PPP3CA: variants seen among roughly 807,000 people sequenced by gnomAD.
The protein encoded by PPP3CA is protein phosphatase 3 catalytic subunit alpha.
In PPP3CA, 14 loss-of-function variants were observed where a neutral mutation model predicts 66.5. That is an observed-to-expected ratio of 0.21 (90% CI 0.14 to 0.33). The LOEUF is 0.33. Ranked by LOEUF, PPP3CA falls within the 10% of genes least tolerant of loss-of-function variation. PPP3CA has a pLI of 1.00. For missense variants in PPP3CA, 317 were observed against 639.5 expected, an observed-to-expected ratio of 0.50 and a Z score of 5.44; for synonymous variants, 232 against 226.2, an observed-to-expected ratio of 1.03 and a Z score of -0.23.
intron 2 of PPP3CA, among the ~76,000 whole-genome samples, chr4:101,133,784 C>G (rs1322176553): frequency 6.6e-6 from 1 of 152,124 alleles, no homozygotes; most frequent in African/African-American, 2.4e-5. Flanking sequence ...GCCCATATAA[C>G]CAAGACAATC....
At chr4:101,217,624 C>A (rs1343477097) in intron 1 of PPP3CA, among the ~76,000 whole-genome samples, 2 of 152,108 alleles carry the variant, frequency 1.3e-5, no homozygotes, top group Admixed American at 6.6e-5. Flanking sequence ...CTAAAATGAG[C>A]CAACAGTGAC....
chr4:101,110,082 A>C (rs1375004299), intron 2 of PPP3CA, among the ~76,000 whole-genome samples: 1 of 152,130 alleles, frequency 6.6e-6, no homozygotes, highest in Non-Finnish European at 1.5e-5. Flanking sequence ...TTATGTATTT[A>C]TACTAATATA....
intron 1 of PPP3CA, among the ~76,000 whole-genome samples, chr4:101,295,589 G>A (rs1345636148): frequency 6.6e-6 from 1 of 152,178 alleles, no homozygotes; most frequent in African/African-American, 2.4e-5. Context: ...ACCATGTCTA[G>A]ACAGAATGAA....
At chr4:101,130,948 TG>T (rs1722408688) in intron 2 of PPP3CA, among the ~76,000 whole-genome samples, 1 of 152,216 alleles carries the variant, frequency 6.6e-6, no homozygotes, top group Non-Finnish European at 1.5e-5. Context: ...TAGACTGGGC[TG>T]GGTGTGGTGG....
intron 1 of PPP3CA, among the ~76,000 whole-genome samples, chr4:101,230,096 A>T (rs1326707031): frequency 6.6e-6 from 1 of 151,642 alleles, no homozygotes; most frequent in Non-Finnish European, 1.5e-5. Context: ...ATTCCATGAG[A>T]TCTGGATTAT....
chr4:101,248,646 T>C (rs940869642), intron 1 of PPP3CA, among the ~76,000 whole-genome samples: 1 of 152,206 alleles, frequency 6.6e-6, no homozygotes, highest in Non-Finnish European at 1.5e-5. Context: ...AACAAAAATA[T>C]GTGCTGGATT....
At chr4:101,124,663 C>CAGACAGAA (rs1491267775) in intron 2 of PPP3CA, among the ~76,000 whole-genome samples, 1 of 55,188 alleles carries the variant, frequency 1.8e-5, no homozygotes, top group Non-Finnish European at 3.7e-5. Flanking sequence ...GAGAGAGAGA[C>CAGACAGAA]AGAAAGAAAG....
chr4:101,091,278 G>C (rs115191246), intron 6 of PPP3CA, among the ~76,000 whole-genome samples: 3 of 151,974 alleles, frequency 2.0e-5, no homozygotes, highest in Non-Finnish European at 2.9e-5. Flanking sequence ...TAACTTTGAC[G>C]TACTTTAACA....
At chr4:101,152,333 A>G (rs1323131644) in intron 2 of PPP3CA, among the ~76,000 whole-genome samples, 1 of 152,220 alleles carries the variant, frequency 6.6e-6, no homozygotes, top group Middle Eastern at 3.2e-3. Context: ...GGTAAGAGTA[A>G]TTGAGAATAA....
chr4:101,123,552 C>T (rs1475696443), intron 2 of PPP3CA, among the ~76,000 whole-genome samples: 1 of 152,080 alleles, frequency 6.6e-6, no homozygotes, highest in Non-Finnish European at 1.5e-5. Context: ...AGGGACAGGC[C>T]AGGCACAGTG....
chr4:101,085,231 C>T (rs74432334), intron 6 of PPP3CA, among the ~76,000 whole-genome samples: 1,965 of 152,202 alleles, frequency 0.013, 46 homozygotes, highest in African/African-American at 0.045. Context: ...CTTGTGCCTT[C>T]GCAATGCCTC....
intron 2 of PPP3CA, among the ~76,000 whole-genome samples, chr4:101,191,372 C>T (rs139282859): frequency 1.7e-3 from 257 of 152,272 alleles, no homozygotes; most frequent in African/African-American, 5.8e-3. Context: ...GGCTCTCATG[C>T]AGTCACCTTT....
intron 1 of PPP3CA, among the ~76,000 whole-genome samples, chr4:101,260,919 GAATA>G (rs1433170007): frequency 2.0e-5 from 3 of 152,150 alleles, no homozygotes; most frequent in Admixed American, 6.6e-5. Flanking sequence ...CTGTCCCAGG[GAATA>G]AATGAGTTCT....
At position 101,093,786 on chromosome 4, in the gene PPP3CA, A is replaced by G; in HGVS notation, c.772T>C (p.Tyr258His). The G allele has an allele frequency of 6.2e-7, 1 of 1,608,694 alleles. No individual in the cohort carries two copies. Among genetic ancestry groups the G allele is most frequent in the Non-Finnish European group, 8.5e-7 (1 of 1,177,348 alleles). Reference protein sequence around the residue: ...FTHNTVRGCSYFYSYPAVCEF... With the variant: ...FTHNTVRGCSHFYSYPAVCEF... The stretch of plus-strand genomic sequence containing the variant: ...GTTCTCTATTCTTACCTGTAGAAGT[A>G]TGAACACCCCCTGACTGTGTTGTGA... The change falls in exon 6 of 14, where the codon TAC becomes CAC. Residue 258 changes from tyrosine to histidine, a missense_variant. By Grantham distance (83) the Tyr-to-His change is moderately conservative. Coordinates refer to ENST00000394854, the MANE Select transcript of PPP3CA (RefSeq NM_000944.5).
intron 2 of PPP3CA, among the ~76,000 whole-genome samples, chr4:101,152,456 A>C (rs1399141398): frequency 6.6e-6 from 1 of 152,214 alleles, no homozygotes; most frequent in African/African-American, 2.4e-5. Flanking sequence ...CCCTGTCCAA[A>C]TGATCACATT....
At position 101,139,696 on chromosome 4, in the gene PPP3CA, GTT is replaced by G. The variant is rs372257350; in HGVS notation, c.260-30620_260-30619del. Among the ~76,000 whole-genome samples the G allele has an allele frequency of 2.2e-3, 218 of 98,408 alleles. 1 individual carries two copies. The highest frequency in any genetic ancestry group is 7.7e-3 in the African/African-American group (193 of 24,988). 64.6% of individuals were successfully genotyped at this position (98,408 alleles called of 152,430 possible). ...AGTGACTTTTGAGGGTTTTTTTTGT[GTT>G]TTTTTTTTTTTTTTTTTTTGTCGTT... is the stretch of plus-strand genomic sequence containing the variant. On this transcript the variant is annotated intron_variant, in intron 2 of 13. Transcript: ENST00000394854.
intron 1 of PPP3CA, among the ~76,000 whole-genome samples, chr4:101,215,422 G>A (rs573271070): frequency 1.2e-4 from 18 of 151,864 alleles, no homozygotes; most frequent in Non-Finnish European, 1.3e-4. Context: ...CATTATTATC[G>A]ATTTCTTCCC....
At chr4:101,059,086 G>A (rs983964508) in intron 10 of PPP3CA, among the ~76,000 whole-genome samples, 7 of 152,000 alleles carry the variant, frequency 4.6e-5, no homozygotes, top group Non-Finnish European at 4.4e-5. Flanking sequence ...ACTGAAAAAC[G>A]TTTGTTGATG....
chr4:101,303,793 T>C (rs1330865885), intron 1 of PPP3CA, among the ~76,000 whole-genome samples: 1 of 152,190 alleles, frequency 6.6e-6, no homozygotes, highest in Non-Finnish European at 1.5e-5. Context: ...TCTGATATTC[T>C]TAGAAGCACT....
Sources: gnomAD v4.1 joint callset for allele counts (sites outside exome capture counted in the v4.1 genomes callset) on GRCh38, gnomAD v4.1.1 for gene constraint, MANE v1.5 for transcripts, NCBI Gene and HGNC (gene_info 2026-07-23, HGNC 2026-07-21) for gene names.